Variants in DCTN1 observed in about 807,000 individuals in gnomAD.
DCTN1 encodes 150 kDa dynein-associated polypeptide.
In DCTN1, 61 loss-of-function variants were observed where a neutral mutation model predicts 161.2. That is an observed-to-expected ratio of 0.38 (90% CI 0.31 to 0.47). The LOEUF is 0.47. DCTN1 is among the 20% of genes least tolerant of loss of function. The pLI, the probability that DCTN1 is intolerant of heterozygous loss-of-function variation, is 0.99. For synonymous variants in DCTN1, 653 were observed against 632.4 expected (o/e 1.03, Z -0.49); for missense variants, 1,404 against 1,623.7 (o/e 0.86, Z 2.33).
At chr2:74,361,718 A>T (rs1674007788) in intron 31 of DCTN1, 82 bp from the exon 32 acceptor site, 1 of 1,576,602 alleles carries the variant, frequency 6.3e-7, no homozygotes, top group Admixed American at 1.7e-5. Flanking sequence ...CTGAGCACTG[A>T]GACCAAGGCA....
upstream of DCTN1, among the ~76,000 whole-genome samples, chr2:74,381,274 T>C (rs1675498023): frequency 6.6e-6 from 1 of 152,206 alleles, no homozygotes; most frequent in Non-Finnish European, 1.5e-5. Context: ...GTCTGACCTA[T>C]GGCTCCACTG....
chr2:74,361,680 C>A, intron 31 of DCTN1, 44 bp from the exon 32 acceptor site: 1 of 1,613,900 alleles, frequency 6.2e-7, no homozygotes, highest in Non-Finnish European at 8.5e-7. Flanking sequence ...CAGGGGCTCA[C>A]TTGAGCTGTG....
upstream of DCTN1, chr2:74,380,522 G>A (rs1169040236): frequency 4.2e-6 from 2 of 472,750 alleles, no homozygotes; most frequent in African/African-American, 4.0e-5. Context: ...CTCTCCCCCA[G>A]GATGTAAGGC....
intron 1 of DCTN1, among the ~76,000 whole-genome samples, chr2:74,379,497 C>T (rs903509993): frequency 5.3e-5 from 8 of 152,148 alleles, no homozygotes; most frequent in Non-Finnish European, 1.0e-4. Context: ...AGCAGGATGG[C>T]TCTCATGGAC....
At chr2:74,367,886 T>C (rs760180419) in intron 17 of DCTN1, 22 bp from the exon 18 acceptor site, 1 of 1,614,172 alleles carries the variant, frequency 6.2e-7, no homozygotes, top group South Asian at 1.1e-5. Context: ...AGAAGGGCAC[T>C]GTGAGGCTAG....
chr2:74,370,588 C>T lies in DCTN1; in HGVS notation c.1048+33G>A, dbSNP rs376015418. 3 of 1,613,936 alleles carry T rather than the reference C, an allele frequency of 1.9e-6. No homozygotes were observed. The highest frequency in any genetic ancestry group is 1.3e-5 in the African/African-American group (1 of 74,922). On this transcript the variant is annotated intron_variant, in intron 10 of 31. Coordinates refer to ENST00000628224, the MANE Select transcript of DCTN1 (RefSeq NM_004082.5). This position sits in a 1 kb window ranked among gnomAD's most constrained non-coding sequence, Gnocchi z 4.4. ...ACTTTCAGGCATGGTTCTCACCTGA[C>T]CGTTTGGCCCCCAGCAGCTGTGGGC...
intron 29 of DCTN1, 90 bp from the exon 30 acceptor site, chr2:74,362,819 C>T (rs899763468): frequency 2.2e-6 from 3 of 1,373,936 alleles, no homozygotes; most frequent in Non-Finnish European, 3.1e-6. Flanking sequence ...ATAAGACTCT[C>T]TAACAGAACA....
At chr2:74,381,464 C>A (rs1009801194), upstream of DCTN1, among the ~76,000 whole-genome samples, 2 of 152,180 alleles carry the variant, frequency 1.3e-5, no homozygotes, top group African/African-American at 4.8e-5. Context: ...AATTCCAAAT[C>A]TTCAGTCCTG....
intron 1 of DCTN1, 34 bp downstream of exon 1, chr2:74,379,971 C>T (rs778046895): frequency 6.2e-7 from 1 of 1,610,662 alleles, no homozygotes; most frequent in South Asian, 1.1e-5. Context: ...TCCCCAGCAG[C>T]CCTCCAGGGC....
chr2:74,361,243 CCCCCACA>C lies in DCTN1; in HGVS notation c.*249_*255del, dbSNP rs1239935042. The C allele has an allele frequency of 3.2e-6, 2 of 634,398 alleles. No individual in the cohort carries two copies. The highest frequency in any genetic ancestry group is 5.8e-6 in the Non-Finnish European group (2 of 344,394). The allele number at this position is 634,398 out of a possible 1,614,324, so 39.3% of individuals were successfully genotyped here. A position where few individuals can be genotyped will look rare whatever the true frequency, so the allele number is the denominator to read the frequency against. ...CTTTGGTGGTGGGGTCTCAGCCTAC[CCCCCACA>C]AGCCCTGAGGCCCCTCAGGAAGGAG... On this transcript the variant is annotated 3_prime_UTR_variant, in exon 32 of 32. Transcript: ENST00000628224.
Position 74,370,407 on chromosome 2 carries a change from G to C in DCTN1, c.1127+59C>G. On this transcript the variant is annotated intron_variant, in intron 11 of 31. Coordinates refer to ENST00000628224, the MANE Select transcript of DCTN1 (RefSeq NM_004082.5). This position sits in a 1 kb window ranked among gnomAD's most constrained non-coding sequence, Gnocchi z 4.4. ...CGTGTCAGAGTCTCTGGCGATGGGT[G>C]CTCTAACACATTTGGAGACACAAGA... is the stretch of plus-strand genomic sequence containing the variant. 6.2e-7 allele frequency: 1 copy of C among 1,613,802 alleles called. No individual in the cohort carries two copies. The highest frequency in any genetic ancestry group is 2.2e-5 in the East Asian group (1 of 44,882).
chr2:74,367,630 G>T, intron 18 of DCTN1, 66 bp downstream of exon 18: 2 of 1,608,256 alleles, frequency 1.2e-6, no homozygotes, highest in Non-Finnish European at 1.7e-6. Flanking sequence ...GAATATATTA[G>T]TAAGAGCCCC....
chr2:74,386,527 G>A (rs1675740992), intron 1 of DCTN1: 1 of 152,074 alleles, frequency 6.6e-6, no homozygotes, highest in African/African-American at 2.4e-5. Context: ...AGTTCAGAGG[G>A]TACTCAACAC....
rs1675250139 is a variant in DCTN1 at position 74,376,755 on chromosome 2, A to G, written c.401T>C (p.Leu134Pro). ...TAAACACACCACCTTCTTAGGCTTC[A>G]GTCCCCGCTGCATGAGGAGTAGGAA... is the stretch of plus-strand genomic sequence containing the variant. ...TTAKTSKLRG[L>P]KPKKAPTARK... Residue 134 changes from leucine to proline, a missense_variant, in exon 5 of 32, where the codon CTG becomes CCG. Leu to Pro is a moderately conservative substitution (Grantham distance 98). Coordinates refer to ENST00000628224, the MANE Select transcript of DCTN1 (RefSeq NM_004082.5). 6.2e-7 allele frequency: 1 copy of G among 1,604,998 alleles called. No individual in the cohort carries two copies. The highest frequency in any genetic ancestry group is 2.2e-5 in the East Asian group (1 of 44,692).
At chr2:74,376,844 G>C in intron 4 of DCTN1, 82 bp from the exon 5 acceptor site, 1 of 1,315,808 alleles carries the variant, frequency 7.6e-7, no homozygotes, top group East Asian at 2.5e-5. Flanking sequence ...GCTTACACAG[G>C]TTAGACGCGG....
intron 1 of DCTN1, 100 bp downstream of exon 1, chr2:74,379,905 G>A: frequency 7.9e-7 from 1 of 1,269,262 alleles, no homozygotes; most frequent in East Asian, 2.4e-5. Flanking sequence ...CCTCAGCTGA[G>A]CTCCAGCCTA....
chr2:74,362,379 A>G (rs1228293745), intron 30 of DCTN1, among the ~76,000 whole-genome samples: 1 of 152,100 alleles, frequency 6.6e-6, no homozygotes, highest in Non-Finnish European at 1.5e-5. Flanking sequence ...GCCATGCCCA[A>G]CCGTTCTACC....
At position 74,367,777 on chromosome 2, in the gene DCTN1, G is replaced by C. The variant is rs1309359471; in HGVS notation, c.2103C>G (p.Phe701Leu). 2 of 1,614,072 alleles carry C rather than the reference G, an allele frequency of 1.2e-6. No individual in the cohort carries two copies. The highest frequency in any genetic ancestry group is 1.7e-6 in the Non-Finnish European group (2 of 1,180,048). Residue 701 changes from phenylalanine to leucine, a missense_variant, in exon 18 of 32, where the codon TTC (phenylalanine) becomes TTG (leucine). Transcript: ENST00000628224. ...GATCCTTGTGCAGCAGTTCAATGAG[G>C]AAATCCAAGGAGCGCTCATGGGCAC... ...EMSAHERSLD[F>L]LIELLHKDQL...
rs751636924 is a variant in DCTN1 at position 74,365,628 on chromosome 2, C to G, written c.2916G>C (p.Arg972=). ...KGEELSEANV[R]LSLLEKKLDS... ...CCAACTTCTTCTCCAGGAGGCTCAG[C>G]CGCACATTGGCCTCACTTAGCTCCT... Residue 972 remains arginine (R), a synonymous_variant, in exon 25 of 32, where the codon CGG becomes CGC. Transcript: ENST00000628224. 2 of 1,614,034 alleles carry G rather than the reference C, an allele frequency of 1.2e-6. No homozygotes were observed. Among genetic ancestry groups the G allele is most frequent in the African/African-American group, 1.3e-5 (1 of 74,894 alleles).
Sources: allele counts gnomAD v4.1 joint callset (sites outside exome capture counted in the v4.1 genomes callset), GRCh38; gene constraint gnomAD v4.1.1; non-coding constraint Gnocchi (gnomAD v3.1); transcripts MANE v1.5; gene names NCBI Gene and HGNC (gene_info 2026-07-23, HGNC 2026-07-21).